The following SERAC1 variants were observed in gnomAD, a reference collection of about 807,000 sequenced individuals.
SERAC1 encodes serine active site containing 1.
A neutral mutation model predicts 85.7 loss-of-function variants in SERAC1; 36 were observed. The ratio of observed to expected loss-of-function variants is 0.42; its 90% CI spans 0.32 to 0.55. The LOEUF (loss-of-function observed/expected upper bound fraction) is 0.55, where lower values mean the gene tolerates loss of function less well. Among genes scored for constraint, SERAC1 ranks in the 20% least tolerant of loss-of-function variants. The pLI, the probability that SERAC1 is intolerant of heterozygous loss-of-function variation, is 0.11. For synonymous variants in SERAC1, 242 were observed against 265.3 expected, an observed-to-expected ratio of 0.91 and a Z score of 0.85; for missense variants, 629 against 796.2, an observed-to-expected ratio of 0.79 and a Z score of 2.53.
intron 5 of SERAC1, 100 bp from the exon 6 acceptor site, chr6:158,147,013 G>A: frequency 8.0e-7 from 1 of 1,244,470 alleles, no homozygotes; most frequent in South Asian, 1.4e-5. Context: ...TCTACAATTG[G>A]AGAGTTAAAT....
chr6:158,147,039 T>C (rs1429779580), intron 5 of SERAC1, 126 bp from the exon 6 acceptor site: 5 of 906,518 alleles, frequency 5.5e-6, no homozygotes, highest in African/African-American at 1.7e-5. Context: ...TATATAGGTA[T>C]TGATAAAAAC....
chr6:158,130,912 A>G (rs1784657422), intron 8 of SERAC1, among the ~76,000 whole-genome samples: 1 of 152,228 alleles, frequency 6.6e-6, no homozygotes, highest in Non-Finnish European at 1.5e-5. Context: ...GCATTATTGG[A>G]CAAGTTAAAA....
intron 6 of SERAC1, 47 bp downstream of exon 6, chr6:158,146,735 T>C (rs1785069270): frequency 1.2e-6 from 2 of 1,607,708 alleles, no homozygotes; most frequent in Non-Finnish European, 1.7e-6. Flanking sequence ...ATGTCAGCAA[T>C]CAAGAGCCAG....
At position 158,111,467 on chromosome 6, in the gene SERAC1, T is replaced by A; in HGVS notation, c.1864A>T (p.Asn622Tyr). The stretch of plus-strand genomic sequence containing the variant: ...TTTGGCTTACAAATGTTCAAATGGT[T>A]AACATCCACAGGAATTAGATCTCCA... ...GIGDLIPVDVNHLNICKPKKK... is the reference protein window; with the variant it reads ...GIGDLIPVDVYHLNICKPKKK... Residue 622 changes from asparagine to tyrosine, a missense_variant, in exon 17 of 17, where the codon AAC becomes TAC. Asn to Tyr is a moderately radical substitution (Grantham distance 143, BLOSUM62 -2). Transcript: ENST00000647468. 6.2e-7 allele frequency: 1 copy of A among 1,609,716 alleles called. No homozygotes were observed. The highest frequency in any genetic ancestry group is 8.5e-7 in the Non-Finnish European group (1 of 1,178,346).
chr6:158,115,268 CTGGG>C, intron 14 of SERAC1, among the ~76,000 whole-genome samples: 1 of 152,324 alleles, frequency 6.6e-6, no homozygotes, highest in Middle Eastern at 3.4e-3. Flanking sequence ...GTATGCCCAG[CTGGG>C]AGCTCCCTCA....
intron 9 of SERAC1, among the ~76,000 whole-genome samples, chr6:158,129,246 C>T (rs543763509): frequency 6.6e-6 from 1 of 152,348 alleles, no homozygotes; most frequent in Admixed American, 6.5e-5. Flanking sequence ...TACTACAACA[C>T]CTTATTCCCT....
chr6:158,109,780 A>C lies in SERAC1; in HGVS notation c.*1586T>G, dbSNP rs1784100240. The stretch of plus-strand genomic sequence containing the variant: ...CCATCAGCTGATGAATGGATAAAGA[A>C]ACATGGCATATCATACAATGGAGTA... On this transcript the variant is annotated 3_prime_UTR_variant, in exon 17 of 17. Coordinates refer to ENST00000647468, the MANE Select transcript of SERAC1 (RefSeq NM_032861.4). 6.6e-6 allele frequency: 1 copy of C among 152,252 alleles called. No individual in the cohort carries two copies. Among genetic ancestry groups the C allele is most frequent in the Non-Finnish European group, 1.5e-5 (1 of 68,042 alleles). 9.4% of individuals were successfully genotyped at this position (152,252 alleles called of 1,614,324 possible). A position where few individuals can be genotyped will look rare whatever the true frequency, so the allele number is the denominator to read the frequency against.
chr6:158,146,028 A>T lies in SERAC1; in HGVS notation c.487+754T>A, dbSNP rs530719505. 3.3e-5 allele frequency: 5 copies of T among 152,346 alleles called. No individual in the cohort carries two copies. The South Asian group carries it at 1.0e-3, about 32-fold the overall frequency. The allele number at this position is 152,346 out of a possible 1,614,324, so 9.4% of individuals were successfully genotyped here. On this transcript the variant is annotated intron_variant, in intron 6 of 16. Transcript: ENST00000647468. ...CACAAATACAAATTGGGTACATTCG[A>T]CTATTAGTATTAGAGCCAAGTAGAT...
chr6:158,143,901 G>C (rs562105648), intron 7 of SERAC1, among the ~76,000 whole-genome samples: 2 of 152,210 alleles, frequency 1.3e-5, no homozygotes, highest in African/African-American at 4.8e-5. Context: ...TGGGAGTAGA[G>C]TCCAGGGATG....
rs116586743 is a variant in SERAC1 at position 158,163,150 on chromosome 6, C to T, written c.-1-4786G>A. Among the ~76,000 whole-genome samples, 1,257 of 152,310 alleles carry T rather than the reference C, an allele frequency of 8.3e-3. 18 individuals are homozygous for T. Among genetic ancestry groups the T allele is most frequent in the African/African-American group, 0.028 (1,167 of 41,562 alleles). ...AACAGCCGCCAGGCATGTGAAGCCACATCAAACTAGCCAGCCCCTAGGTGA... is the reference window on the plus strand; with the variant it reads ...AACAGCCGCCAGGCATGTGAAGCCATATCAAACTAGCCAGCCCCTAGGTGA... On this transcript the variant is annotated intron_variant, in intron 1 of 16. Coordinates refer to ENST00000647468, the MANE Select transcript of SERAC1 (RefSeq NM_032861.4).
chr6:158,114,985 A>AG lies in SERAC1; in HGVS notation c.1502-15dup, dbSNP rs1365024467. On this transcript the variant is annotated splice_polypyrimidine_tract_variant and intron_variant, in intron 14 of 16. Transcript: ENST00000647468. ...TGACAAGAAGACCTAGCCACAGACA[A>AG]GGGAAAAAAACAATGCATAAGCTAT... 6.2e-7 allele frequency: 1 copy of AG among 1,600,888 alleles called. No homozygotes were observed. Among genetic ancestry groups the AG allele is most frequent in the Non-Finnish European group, 8.5e-7 (1 of 1,175,094 alleles).
chr6:158,154,688 T>C (rs1428981388), intron 3 of SERAC1, among the ~76,000 whole-genome samples: 2 of 152,166 alleles, frequency 1.3e-5, no homozygotes, highest in Non-Finnish European at 2.9e-5. Flanking sequence ...CGTCCATCTG[T>C]TGGTTTTCTC....
intron 8 of SERAC1, among the ~76,000 whole-genome samples, chr6:158,131,426 T>C (rs1394502393): frequency 6.8e-6 from 1 of 146,902 alleles, no homozygotes; most frequent in Non-Finnish European, 1.5e-5. Context: ...ATTTTTATAT[T>C]TTAGAGGCAT....
intron 7 of SERAC1, among the ~76,000 whole-genome samples, chr6:158,143,569 A>G (rs1252527772): frequency 1.3e-5 from 2 of 152,122 alleles, no homozygotes; most frequent in Non-Finnish European, 2.9e-5. Flanking sequence ...TTCATCTGAC[A>G]TCTTGACATT....
intron 1 of SERAC1, among the ~76,000 whole-genome samples, chr6:158,160,758 T>C (rs1166389174): frequency 6.6e-6 from 1 of 152,220 alleles, no homozygotes; most frequent in Non-Finnish European, 1.5e-5. Flanking sequence ...TAGTATGAAT[T>C]TAAACAATAT....
At position 158,116,055 on chromosome 6, in the gene SERAC1, G is replaced by C. The variant is rs1333762008; in HGVS notation, c.1501+130C>G. ...TAAAAGTCCTAGCCATAGCTACACAGATTAATTTAGCAGGGGGGGTAAGGG... is the reference window on the plus strand; with the variant it reads ...TAAAAGTCCTAGCCATAGCTACACACATTAATTTAGCAGGGGGGGTAAGGG... On this transcript the variant is annotated intron_variant, in intron 14 of 16. Coordinates refer to ENST00000647468, the MANE Select transcript of SERAC1 (RefSeq NM_032861.4). 4 of 695,944 alleles carry C rather than the reference G, an allele frequency of 5.7e-6. No individual in the cohort carries two copies. The African/African-American group carries it at 7.1e-5, about 12-fold the overall frequency. 43.1% of individuals were successfully genotyped at this position (695,944 alleles called of 1,614,324 possible).
intron 16 of SERAC1, 68 bp downstream of exon 16, chr6:158,113,381 C>T: frequency 7.7e-7 from 1 of 1,302,152 alleles, no homozygotes; most frequent in Non-Finnish European, 1.1e-6. Flanking sequence ...ATAAAAATTG[C>T]TGTTTACAAG....
intron 4 of SERAC1, 112 bp from the exon 5 acceptor site, chr6:158,149,066 T>C: frequency 1.5e-6 from 1 of 677,178 alleles, no homozygotes; most frequent in South Asian, 2.1e-5. Flanking sequence ...CTCGGCTCAC[T>C]GCAAGCTCTG....
chr6:158,155,165 A>C (rs563013482), intron 3 of SERAC1, 150 bp downstream of exon 3: 1 of 588,308 alleles, frequency 1.7e-6, no homozygotes. Context: ...TCATGACAAC[A>C]TTTAAGTGGT....
Sources: allele counts gnomAD v4.1 joint callset (sites outside exome capture counted in the v4.1 genomes callset), GRCh38; gene constraint gnomAD v4.1.1; transcripts MANE v1.5; gene names NCBI Gene and HGNC (gene_info 2026-07-23, HGNC 2026-07-21).